The following DYM variants were observed in gnomAD, a reference collection of about 807,000 sequenced individuals.
DYM encodes the protein dyggve-Melchior-Clausen syndrome protein.
A neutral mutation model predicts 93.1 loss-of-function variants in DYM; 78 were observed. That is an observed-to-expected ratio of 0.84 (90% confidence interval 0.70 to 1.01). The LOEUF is 1.01. Ranked by LOEUF, DYM falls within the 50% of genes least tolerant of loss-of-function variation. The pLI is 0.00. For synonymous variants in DYM, 321 were observed against 319.7 expected (o/e 1.00, Z -0.04); for missense variants, 789 against 845.0 (o/e 0.93, Z 0.82).
chr18:49,356,775 A>G lies in DYM; in HGVS notation c.494+6386T>C. ...CTCAAATTTCCACAGTAGAACATCT[A>G]ACCCAGTACTATTAGTCTATGGATC... On this transcript the variant is annotated intron_variant, in intron 6 of 17. Transcript: ENST00000675505. 1.3e-5 allele frequency among the ~76,000 whole-genome samples: 2 copies of G among 152,216 alleles called. 1 individual carries two copies. Among genetic ancestry groups the G allele is most frequent in the Non-Finnish European group, 2.9e-5 (2 of 68,040 alleles).
chr18:49,441,562 T>C (rs2148614970), intron 1 of DYM, among the ~76,000 whole-genome samples: 1 of 150,122 alleles, frequency 6.7e-6, no homozygotes, highest in African/African-American at 2.5e-5. Context: ...AAGTGCTATA[T>C]TAAGTACAGT....
At chr18:49,124,455 G>A (rs2082638206) in intron 15 of DYM, among the ~76,000 whole-genome samples, 1 of 150,276 alleles carries the variant, frequency 6.7e-6, no homozygotes, top group Non-Finnish European at 1.5e-5. Flanking sequence ...GCTGCAGTGA[G>A]CTATGATCAT....
chr18:49,190,334 A>G (rs899798359), intron 14 of DYM, among the ~76,000 whole-genome samples: 3 of 152,222 alleles, frequency 2.0e-5, no homozygotes, highest in African/African-American at 7.2e-5. Flanking sequence ...CTGAAATATC[A>G]TTGTATATGG....
chr18:49,368,821 G>A (rs1454151613), intron 5 of DYM: 2 of 152,200 alleles, frequency 1.3e-5, no homozygotes, highest in African/African-American at 4.8e-5. Context: ...TTTAAGTCTG[G>A]GGAGAATGGA....
chr18:49,389,872 G>A (rs1268953820), intron 3 of DYM, among the ~76,000 whole-genome samples: 1 of 151,782 alleles, frequency 6.6e-6, no homozygotes, highest in Non-Finnish European at 1.5e-5. Context: ...TTTTCTCATT[G>A]CTTTGTTATA....
intron 6 of DYM, among the ~76,000 whole-genome samples, chr18:49,344,353 T>C (rs941532172): frequency 2.0e-5 from 3 of 152,152 alleles, no homozygotes; most frequent in African/African-American, 7.2e-5. Context: ...ACTGCTTGGC[T>C]AACTCATATT....
At chr18:49,402,654 A>G (rs900036059) in intron 2 of DYM, among the ~76,000 whole-genome samples, 3 of 152,226 alleles carry the variant, frequency 2.0e-5, no homozygotes, top group Non-Finnish European at 2.9e-5. Flanking sequence ...TTAAAATACT[A>G]GGAAGGATTT....
chr18:49,381,467 T>A (rs1410888385), intron 3 of DYM, among the ~76,000 whole-genome samples: 1 of 152,186 alleles, frequency 6.6e-6, no homozygotes, highest in Non-Finnish European at 1.5e-5. Flanking sequence ...AGCACTTTGC[T>A]ATTCCAAGCG....
intron 17 of DYM, among the ~76,000 whole-genome samples, chr18:49,077,085 T>C (rs73439681): frequency 0.027 from 4,054 of 152,312 alleles, 181 homozygotes; most frequent in African/African-American, 0.091. Flanking sequence ...ATTTGTTAGA[T>C]GAAAATGACC....
intron 2 of DYM, among the ~76,000 whole-genome samples, chr18:49,418,288 T>C (rs2073233639): frequency 6.6e-6 from 1 of 152,164 alleles, no homozygotes; most frequent in African/African-American, 2.4e-5. Context: ...GGTCTGTTTT[T>C]CATTTTTGTT....
intron 14 of DYM, among the ~76,000 whole-genome samples, chr18:49,172,286 TAAG>T (rs1260734328): frequency 2.0e-5 from 3 of 152,212 alleles, no homozygotes; most frequent in East Asian, 3.8e-4. Flanking sequence ...GTTGGTCTAT[TAAG>T]AAGGCTGCTG....
chr18:49,413,177 G>A (rs557036255), intron 2 of DYM: 18 of 152,436 alleles, frequency 1.2e-4, no homozygotes, highest in African/African-American at 4.3e-4. Flanking sequence ...AGTGTGGCAT[G>A]ATGGTCAACG....
intron 10 of DYM, among the ~76,000 whole-genome samples, chr18:49,278,868 T>G (rs111903916): frequency 0.014 from 2,180 of 152,334 alleles, 51 homozygotes; most frequent in African/African-American, 0.049. Flanking sequence ...ATTTCTTTTC[T>G]CTTATGCTAG....
intron 17 of DYM, among the ~76,000 whole-genome samples, chr18:49,093,737 C>T (rs7229507): frequency 0.058 from 8,751 of 152,134 alleles, 308 homozygotes; most frequent in South Asian, 0.08. Context: ...AAGGGGCCCT[C>T]CCAGTACAGC....
chr18:49,205,064 G>A (rs868332471), intron 14 of DYM, among the ~76,000 whole-genome samples: 32 of 152,116 alleles, frequency 2.1e-4, no homozygotes, highest in Middle Eastern at 3.2e-3. Context: ...GGGTTCAAGC[G>A]ATTCTCCTGC....
At chr18:49,392,204 A>C (rs75110618) in intron 2 of DYM, among the ~76,000 whole-genome samples, 1,743 of 152,340 alleles carry the variant, frequency 0.011, 31 homozygotes, top group African/African-American at 0.04. Context: ...CAGACTCAAG[A>C]TGACACAGAG....
rs532350336 is a variant in DYM, at chr18:49,051,810, A to G, written c.2026-7606T>C. Among the ~76,000 whole-genome samples, 4 of 152,292 alleles carry G rather than the reference A, an allele frequency of 2.6e-5. No homozygotes were observed. In the East Asian group the frequency reaches 7.7e-4, roughly 29 times the overall value. On this transcript the variant is annotated intron_variant, in intron 17 of 17. Transcript: ENST00000675505. Reference sequence around the variant, plus strand: ...AGTGAAGGCCTGGTCCCCTCCACAGACTGGGTTCCCAAACTGCTGTCTCCC... The same window carrying G: ...AGTGAAGGCCTGGTCCCCTCCACAGGCTGGGTTCCCAAACTGCTGTCTCCC...
chr18:49,264,723 A>G (rs1568131206), intron 11 of DYM, among the ~76,000 whole-genome samples: 1 of 152,252 alleles, frequency 6.6e-6, no homozygotes, highest in East Asian at 1.9e-4. Context: ...GCTAGGAAAG[A>G]GAAAGAAATA....
At chr18:49,201,317 CT>C (rs965930329) in intron 14 of DYM, among the ~76,000 whole-genome samples, 2 of 151,220 alleles carry the variant, frequency 1.3e-5, no homozygotes, top group South Asian at 2.1e-4. Context: ...ACTTCAATTC[CT>C]TTTTTTTTCA....
Sources: gnomAD v4.1 joint callset for allele counts (sites outside exome capture counted in the v4.1 genomes callset) on GRCh38, gnomAD v4.1.1 for gene constraint, MANE v1.5 for transcripts, NCBI Gene and HGNC (gene_info 2026-07-23, HGNC 2026-07-21) for gene names.